The following GLI2 variants were observed in gnomAD, a reference collection of about 807,000 sequenced individuals.
GLI2 encodes the protein GLI family zinc finger 2, also known as transcription activator GLI2.
In GLI2, 22 loss-of-function variants were observed where a neutral mutation model predicts 78.9. The ratio of observed to expected loss-of-function variants is 0.28; its 90% CI spans 0.20 to 0.40. The LOEUF is 0.40. Ranked by LOEUF, GLI2 falls within the 10% of genes least tolerant of loss-of-function variation. GLI2 has a pLI of 1.00. For missense variants in GLI2, 2,097 were observed against 2,213.2 expected, an observed-to-expected ratio of 0.95 and a Z score of 1.05; for synonymous variants, 974 against 963.7, an observed-to-expected ratio of 1.01 and a Z score of -0.20.
chr2:120,738,193 T>A (rs1682427656), intron 1 of GLI2, among the ~76,000 whole-genome samples: 1 of 152,256 alleles, frequency 6.6e-6, no homozygotes, highest in Admixed American at 6.5e-5. Context: ...GCTTCTGGTC[T>A]GTCCTGGGGC....
At position 120,768,205 on chromosome 2, in the gene GLI2, G is replaced by A. The variant is rs561859245; in HGVS notation, c.-30-29086G>A. 9.2e-5 allele frequency among the ~76,000 whole-genome samples: 14 copies of A among 152,366 alleles called. No homozygotes were observed. In the East Asian group the frequency reaches 2.5e-3, roughly 27 times the overall value. On this transcript the variant is annotated intron_variant, in intron 1 of 13. Coordinates refer to ENST00000361492, the MANE Select transcript of GLI2 (RefSeq NM_001374353.1). ...GCCTTTACCCGGCGTCGGCTGCCAG[G>A]CCCTGTGCTCAGAGCCCCTGTGCCT...
At chr2:120,753,337 C>G (rs1049864175) in intron 1 of GLI2, among the ~76,000 whole-genome samples, 18 of 152,140 alleles carry the variant, frequency 1.2e-4, no homozygotes, top group African/African-American at 4.3e-4. Flanking sequence ...TTCAGGTGAT[C>G]TACCTGCGTC....
intron 6 of GLI2, among the ~76,000 whole-genome samples, chr2:120,969,685 C>T (rs915408563): frequency 3.3e-5 from 5 of 152,228 alleles, no homozygotes; most frequent in African/African-American, 1.2e-4. Context: ...TGCTTCATCC[C>T]GCCGAAGGCT....
At chr2:120,854,019 A>G (rs1687529494) in intron 2 of GLI2, among the ~76,000 whole-genome samples, 1 of 142,780 alleles carries the variant, frequency 7.0e-6, no homozygotes, top group South Asian at 2.2e-4. Flanking sequence ...TTCTACCAGC[A>G]TTTATCAAAC....
intron 8 of GLI2, among the ~76,000 whole-genome samples, chr2:120,974,036 CAT>C (rs1378116490): frequency 2.0e-5 from 3 of 152,182 alleles, no homozygotes; most frequent in Admixed American, 6.5e-5. Flanking sequence ...CCTGACTATA[CAT>C]GTTTTCCCCA....
chr2:120,958,978 A>G lies in GLI2; in HGVS notation c.643+3548A>G, dbSNP rs1424095156. On this transcript the variant is annotated intron_variant, in intron 5 of 13. Coordinates refer to ENST00000361492, the MANE Select transcript of GLI2 (RefSeq NM_001374353.1). Reference sequence around the variant, plus strand: ...GTGAGTGAATGAGTGAATGGCACTTAGAAAAGACCCTGGAATGGAAAGATG... The same window carrying G: ...GTGAGTGAATGAGTGAATGGCACTTGGAAAAGACCCTGGAATGGAAAGATG... Among the ~76,000 whole-genome samples the G allele has an allele frequency of 2.0e-5, 3 of 152,226 alleles. No individual in the cohort carries two copies. The East Asian group carries it at 5.8e-4, about 29-fold the overall frequency.
At chr2:120,773,349 G>T (rs1223963364) in intron 1 of GLI2, among the ~76,000 whole-genome samples, 1 of 152,138 alleles carries the variant, frequency 6.6e-6, no homozygotes, top group East Asian at 1.9e-4. Context: ...TGAGAGGAAA[G>T]CCAAGCCCTG....
At chr2:120,882,999 C>T (rs1677227036) in intron 2 of GLI2, among the ~76,000 whole-genome samples, 1 of 152,126 alleles carries the variant, frequency 6.6e-6, no homozygotes, top group Non-Finnish European at 1.5e-5. Flanking sequence ...ACCCTCCTAC[C>T]CCCAACAGCC....
intron 4 of GLI2, among the ~76,000 whole-genome samples, chr2:120,954,777 G>A (rs891361328): frequency 6.6e-6 from 1 of 152,198 alleles, no homozygotes; most frequent in Non-Finnish European, 1.5e-5. Flanking sequence ...TGCAGGCCAG[G>A]AGCTTTATCT....
At chr2:120,920,082 A>G (rs954868556) in intron 2 of GLI2, among the ~76,000 whole-genome samples, 2 of 152,214 alleles carry the variant, frequency 1.3e-5, no homozygotes, top group Non-Finnish European at 2.9e-5. Context: ...CATGCTTCCA[A>G]GCTAATTCCC....
intron 1 of GLI2, among the ~76,000 whole-genome samples, chr2:120,760,985 G>C (rs970710606): frequency 6.6e-6 from 1 of 152,208 alleles, no homozygotes; most frequent in Non-Finnish European, 1.5e-5. Flanking sequence ...GGAAAAGCAG[G>C]GTGGGAAGGA....
chr2:120,759,369 C>T (rs1412132526), intron 1 of GLI2, among the ~76,000 whole-genome samples: 1 of 152,168 alleles, frequency 6.6e-6, no homozygotes, highest in Non-Finnish European at 1.5e-5. Context: ...ATGCCAGTCT[C>T]AAGTACAGGT....
chr2:120,840,689 G>A (rs543123742), intron 2 of GLI2, among the ~76,000 whole-genome samples: 17 of 152,288 alleles, frequency 1.1e-4, no homozygotes, highest in African/African-American at 3.6e-4. Flanking sequence ...TCCTCTGCCC[G>A]TTTCCCAGCA....
intron 2 of GLI2, among the ~76,000 whole-genome samples, chr2:120,829,390 G>C (rs1414111396): frequency 2.0e-5 from 3 of 152,194 alleles, no homozygotes; most frequent in African/African-American, 7.2e-5. Flanking sequence ...TAGCTCAAAG[G>C]CAGTGTCATG....
intron 1 of GLI2, among the ~76,000 whole-genome samples, chr2:120,753,093 A>ATTTTTTTTT (rs55697602): frequency 8.9e-6 from 1 of 111,868 alleles, no homozygotes; most frequent in African/African-American, 3.4e-5. Flanking sequence ...TTCTGTACGT[A>ATTTTTTTTT]TTTTTTTTTT....
At chr2:120,775,155 C>T (rs1441522041) in intron 1 of GLI2, among the ~76,000 whole-genome samples, 1 of 152,184 alleles carries the variant, frequency 6.6e-6, no homozygotes, top group Non-Finnish European at 1.5e-5. Context: ...GACAGCTCCT[C>T]CACTCCACAC....
At chr2:120,980,294 G>A (rs1682659325) in intron 10 of GLI2, among the ~76,000 whole-genome samples, 1 of 152,090 alleles carries the variant, frequency 6.6e-6, no homozygotes, top group Admixed American at 6.6e-5. Context: ...ACCAACACTG[G>A]TTGTTACCTG....
At chr2:120,831,024 T>A (rs535685089) in intron 2 of GLI2, among the ~76,000 whole-genome samples, 9 of 151,404 alleles carry the variant, frequency 5.9e-5, no homozygotes, top group Non-Finnish European at 1.2e-4. Flanking sequence ...TGTTTTCCTG[T>A]CATTCTTTTT....
chr2:120,877,575 G>A (rs1015047739), intron 2 of GLI2, among the ~76,000 whole-genome samples: 1 of 152,156 alleles, frequency 6.6e-6, no homozygotes, highest in African/African-American at 2.4e-5. Context: ...ACTTCTGAGA[G>A]CATAGCTTGG....
Sources: gnomAD v4.1 joint callset for allele counts (sites outside exome capture counted in the v4.1 genomes callset) on GRCh38, gnomAD v4.1.1 for gene constraint, MANE v1.5 for transcripts, NCBI Gene and HGNC (gene_info 2026-07-23, HGNC 2026-07-21) for gene names.